GLRA3: variants seen among roughly 807,000 people sequenced by gnomAD.
GLRA3 encodes glycine receptor alpha 3.
GLRA3 carries 44 observed loss-of-function variants against 60.4 expected under a neutral mutation model. The observed-to-expected ratio is 0.73, with a 90% CI of 0.57 to 0.94. The LOEUF (loss-of-function observed/expected upper bound fraction) is 0.94, where lower values mean the gene tolerates loss of function less well. Ranked by LOEUF, GLRA3 falls within the 40% of genes least tolerant of loss-of-function variation. The probability of loss-of-function intolerance (pLI) is 0.00; values close to 1 mark genes in which losing one functional copy is unlikely to be tolerated. For missense variants in GLRA3, 508 were observed against 564.6 expected, an observed-to-expected ratio of 0.90 and a Z score of 1.02; for synonymous variants, 223 against 192.9, an observed-to-expected ratio of 1.16 and a Z score of -1.29.
chr4:174,741,585 T>C (rs1325054245), intron 3 of GLRA3, among the ~76,000 whole-genome samples: 1 of 144,052 alleles, frequency 6.9e-6, no homozygotes, highest in Non-Finnish European at 1.5e-5. Context: ...TGTTTAATTA[T>C]GATAAAGATC....
intron 5 of GLRA3, among the ~76,000 whole-genome samples, chr4:174,692,306 G>A (rs944381622): frequency 6.8e-6 from 1 of 146,542 alleles, no homozygotes; most frequent in African/African-American, 2.6e-5. Context: ...GCCCCGTCTG[G>A]GAGGGAGGTG....
intron 5 of GLRA3, among the ~76,000 whole-genome samples, chr4:174,685,546 T>A (rs1219831184): frequency 6.6e-6 from 1 of 152,166 alleles, no homozygotes; most frequent in East Asian, 1.9e-4. Flanking sequence ...CCAGAACAGA[T>A]GTGGGAACCT....
chr4:174,675,183 A>T (rs1175282920), intron 7 of GLRA3, among the ~76,000 whole-genome samples: 1 of 152,182 alleles, frequency 6.6e-6, no homozygotes, highest in Non-Finnish European at 1.5e-5. Context: ...CTCTATGATC[A>T]GAGAGATAGA....
intron 3 of GLRA3, among the ~76,000 whole-genome samples, chr4:174,745,345 G>A (rs992663653): frequency 2.5e-4 from 38 of 152,228 alleles, no homozygotes; most frequent in Non-Finnish European, 1.9e-4. Context: ...CACTTTATAG[G>A]CACACTGTCT....
chr4:174,676,587 T>G (rs1207405371), intron 7 of GLRA3, among the ~76,000 whole-genome samples: 3 of 152,114 alleles, frequency 2.0e-5, no homozygotes, highest in Non-Finnish European at 2.9e-5. Flanking sequence ...TATGTGTGTT[T>G]ATAAATATAG....
At chr4:174,722,474 G>C (rs1327470065) in intron 4 of GLRA3, 1 of 152,084 alleles carries the variant, frequency 6.6e-6, no homozygotes, top group Admixed American at 6.6e-5. Context: ...TCTTCCTTTT[G>C]AATTCCCCTA....
intron 5 of GLRA3, among the ~76,000 whole-genome samples, chr4:174,693,477 A>G (rs9998779): frequency 0.98 from 149,096 of 152,188 alleles, 73,107 homozygotes; most frequent in East Asian, 1. Context: ...TAGATGTTTC[A>G]TCTTCTTTCT....
At chr4:174,776,719 C>T (rs919980583) in intron 2 of GLRA3, among the ~76,000 whole-genome samples, 6 of 152,154 alleles carry the variant, frequency 3.9e-5, no homozygotes, top group Non-Finnish European at 5.9e-5. Context: ...TCATCATTGA[C>T]ACTTGTAGAC....
intron 2 of GLRA3, 69 bp downstream of exon 2, chr4:174,788,743 GAATT>G (rs1375763785): frequency 2.3e-5 from 22 of 951,534 alleles, no homozygotes; most frequent in Non-Finnish European, 1.2e-5. Context: ...ATTTCTGGTG[GAATT>G]AATTTAAAAC....
intron 7 of GLRA3, among the ~76,000 whole-genome samples, chr4:174,660,808 T>C (rs1418092522): frequency 1.3e-5 from 2 of 152,244 alleles, no homozygotes; most frequent in African/African-American, 4.8e-5. Flanking sequence ...TTTATTTATA[T>C]GTGTATAAAC....
chr4:174,777,374 T>TCAA (rs1254371330), intron 2 of GLRA3, among the ~76,000 whole-genome samples: 1 of 152,116 alleles, frequency 6.6e-6, no homozygotes, highest in Non-Finnish European at 1.5e-5. Context: ...AAATGAGCTA[T>TCAA]CAAGCCACGA....
chr4:174,654,822 T>A (rs551162836), intron 9 of GLRA3, among the ~76,000 whole-genome samples: 1 of 152,038 alleles, frequency 6.6e-6, no homozygotes, highest in Non-Finnish European at 1.5e-5. Flanking sequence ...GCACTGGAGA[T>A]AGCATCCATG....
intron 1 of GLRA3, among the ~76,000 whole-genome samples, chr4:174,823,781 A>G (rs1740845267): frequency 6.6e-6 from 1 of 152,180 alleles, no homozygotes; most frequent in Non-Finnish European, 1.5e-5. Context: ...AATTAGAGAA[A>G]TGCTAATGTT....
rs1044004862 is a variant in GLRA3, at chr4:174,640,163, A to G, written c.*3623T>C. 6.6e-6 allele frequency: 1 copy of G among 152,108 alleles called. No homozygotes were observed. Among genetic ancestry groups the G allele is most frequent in the African/African-American group, 2.4e-5 (1 of 41,458 alleles). 9.4% of individuals were successfully genotyped at this position (152,108 alleles called of 1,614,324 possible). A position where few individuals can be genotyped will look rare whatever the true frequency, so the allele number is the denominator to read the frequency against. On this transcript the variant is annotated 3_prime_UTR_variant, in exon 10 of 10. Coordinates refer to ENST00000274093, the MANE Select transcript of GLRA3 (RefSeq NM_006529.4). The stretch of plus-strand genomic sequence containing the variant: ...AGTGTGGAATCACTTTTGGAGTAGA[A>G]GATATCATGACCTCAAGGATTGTTA...
chr4:174,792,450 A>C (rs1247223608), intron 1 of GLRA3, among the ~76,000 whole-genome samples: 1 of 152,148 alleles, frequency 6.6e-6, no homozygotes, highest in Non-Finnish European at 1.5e-5. Flanking sequence ...TTGGTAAGGT[A>C]ACAGACCTTA....
At chr4:174,723,294 T>A (rs1736199236) in intron 4 of GLRA3, among the ~76,000 whole-genome samples, 1 of 152,250 alleles carries the variant, frequency 6.6e-6, no homozygotes, top group African/African-American at 2.4e-5. Context: ...AATAACAAGA[T>A]CTATCCTATT....
chr4:174,788,590 T>TAAAAAAAAAAAAA (rs35640897), intron 2 of GLRA3, among the ~76,000 whole-genome samples: 1 of 87,876 alleles, frequency 1.1e-5, no homozygotes, highest in South Asian at 4.6e-4. Flanking sequence ...GTTAGAGAAG[T>TAAAAAAAAAAAAA]AAAAAAAAAA....
intron 1 of GLRA3, among the ~76,000 whole-genome samples, chr4:174,789,933 A>T (rs182347405): frequency 4.6e-5 from 7 of 152,296 alleles, no homozygotes; most frequent in African/African-American, 1.7e-4. Flanking sequence ...ACATGATCAT[A>T]ACAAGATCAG....
At chr4:174,819,483 A>C (rs1436211928) in intron 1 of GLRA3, among the ~76,000 whole-genome samples, 1 of 152,170 alleles carries the variant, frequency 6.6e-6, no homozygotes, top group Admixed American at 6.5e-5. Flanking sequence ...CTGACCATTC[A>C]AATTCCATCC....
Sources: gnomAD v4.1 joint callset for allele counts (sites outside exome capture counted in the v4.1 genomes callset) on GRCh38, gnomAD v4.1.1 for gene constraint, MANE v1.5 for transcripts, NCBI Gene and HGNC (gene_info 2026-07-23, HGNC 2026-07-21) for gene names.